The following ARHGEF12 variants were observed in gnomAD, a reference collection of about 807,000 sequenced individuals.
ARHGEF12 encodes the protein KMT2A/ARHGEF12 fusion protein.
In ARHGEF12, 66 loss-of-function variants were observed where a neutral mutation model predicts 211.2. The observed-to-expected ratio is 0.31, with a 90% confidence interval of 0.26 to 0.38. ARHGEF12 has a LOEUF of 0.38. Ranked by LOEUF, ARHGEF12 falls within the 10% of genes least tolerant of loss-of-function variation. The probability of loss-of-function intolerance (pLI) is 1.00; values close to 1 mark genes in which losing one functional copy is unlikely to be tolerated. For synonymous variants in ARHGEF12, 592 were observed against 638.4 expected (o/e 0.93, Z 1.09); for missense variants, 1,429 against 1,869.5 (o/e 0.76, Z 4.34).
At chr11:120,473,619 G>A (rs1391666668) in intron 31 of ARHGEF12, among the ~76,000 whole-genome samples, 2 of 152,158 alleles carry the variant, frequency 1.3e-5, no homozygotes. Context: ...GGTTGGTCCA[G>A]ATTTCCTGGG....
intron 36 of ARHGEF12, 40 bp downstream of exon 36, chr11:120,477,566 T>C (rs1947085125): frequency 6.3e-7 from 1 of 1,575,262 alleles, no homozygotes; most frequent in Non-Finnish European, 8.7e-7. Flanking sequence ...ATGTGCTCTA[T>C]TATCTGTTAA....
intron 37 of ARHGEF12, among the ~76,000 whole-genome samples, chr11:120,479,123 A>G (rs931264332): frequency 2.6e-5 from 4 of 152,190 alleles, no homozygotes; most frequent in African/African-American, 9.7e-5. Context: ...ACTAGCAGGA[A>G]GTTAGAGTTT....
intron 29 of ARHGEF12, 137 bp downstream of exon 29, chr11:120,467,445 T>C (rs976675650): frequency 1.4e-5 from 8 of 559,674 alleles, no homozygotes; most frequent in South Asian, 2.6e-5. Flanking sequence ...TTTTTTTTTT[T>C]TTTTTTTCCT....
chr11:120,441,896 C>T (rs1049178629), intron 14 of ARHGEF12, 79 bp downstream of exon 14: 19 of 1,264,096 alleles, frequency 1.5e-5, no homozygotes, highest in Admixed American at 3.6e-5. Flanking sequence ...AGCTATACAA[C>T]GAGTGGGCAG....
intron 3 of ARHGEF12, chr11:120,409,155 ATG>A: frequency 2.0e-6 from 1 of 502,914 alleles, no homozygotes; most frequent in South Asian, 2.5e-5. Context: ...TATACTATTC[ATG>A]TGTTGTTTTG....
chr11:120,444,466 CT>C (rs1284591979), intron 15 of ARHGEF12, among the ~76,000 whole-genome samples: 2 of 152,096 alleles, frequency 1.3e-5, no homozygotes, highest in Non-Finnish European at 2.9e-5. Flanking sequence ...TGCACTTGAG[CT>C]AGAAATGCTT....
rs753533555 is a variant in ARHGEF12 at position 120,481,460 on chromosome 11, T to A, written c.4438T>A (p.Trp1480Arg). Residue 1480 changes from tryptophan (W) to arginine (R), a missense_variant, in exon 39 of 41, where the codon TGG becomes AGG. Coordinates refer to ENST00000397843, the MANE Select transcript of ARHGEF12 (RefSeq NM_015313.3). ...CCCCGAATTTCTGGTCCAGCAGCGC[T>A]GGGGAGCTATGGAGTATTCCTGTTT... ...FTPEFLVQQRWGAMEYSCFEI... is the reference protein window; with the variant it reads ...FTPEFLVQQRRGAMEYSCFEI... The A allele has an allele frequency of 4.3e-6, 7 of 1,614,222 alleles. No homozygotes were observed. Among genetic ancestry groups the A allele is most frequent in the Non-Finnish European group, 5.1e-6 (6 of 1,180,042 alleles).
intron 32 of ARHGEF12, among the ~76,000 whole-genome samples, chr11:120,474,876 C>T (rs960714922): frequency 6.6e-6 from 1 of 152,184 alleles, no homozygotes; most frequent in African/African-American, 2.4e-5. Context: ...TTCTTATAGT[C>T]TAGTGAGTCT....
intron 1 of ARHGEF12, among the ~76,000 whole-genome samples, chr11:120,360,439 C>CTGGA (rs1254891687): frequency 5.9e-5 from 9 of 152,106 alleles, no homozygotes; most frequent in Non-Finnish European, 1.2e-4. Flanking sequence ...GTCACTCAGG[C>CTGGA]TGGAGTGCAG....
chr11:120,379,082 A>G (rs1180857775), intron 1 of ARHGEF12, among the ~76,000 whole-genome samples: 1 of 152,176 alleles, frequency 6.6e-6, no homozygotes, highest in Non-Finnish European at 1.5e-5. Flanking sequence ...ATCCATTGGC[A>G]TAATCTTTCT....
chr11:120,429,544 A>G, intron 9 of ARHGEF12, 27 bp downstream of exon 9: 2 of 1,608,246 alleles, frequency 1.2e-6, no homozygotes, highest in African/African-American at 2.7e-5. Context: ...AGGGCTGTTT[A>G]CAGGCCAATA....
At chr11:120,371,184 A>G (rs958249346) in intron 1 of ARHGEF12, among the ~76,000 whole-genome samples, 4 of 152,182 alleles carry the variant, frequency 2.6e-5, no homozygotes, top group Non-Finnish European at 4.4e-5. Flanking sequence ...AAGTATAGAC[A>G]TTTATTAAAA....
intron 1 of ARHGEF12, among the ~76,000 whole-genome samples, chr11:120,344,896 C>T (rs912122803): frequency 2.6e-5 from 4 of 152,332 alleles, no homozygotes; most frequent in South Asian, 2.1e-4. Context: ...AACTTGATTT[C>T]TGTAACCATT....
intron 1 of ARHGEF12, among the ~76,000 whole-genome samples, chr11:120,368,185 C>G (rs1943482979): frequency 6.6e-6 from 1 of 152,074 alleles, no homozygotes; most frequent in South Asian, 2.1e-4. Flanking sequence ...TCAAGCAATC[C>G]TCCCGCCTCA....
At chr11:120,380,957 C>T (rs868147261) in intron 1 of ARHGEF12, among the ~76,000 whole-genome samples, 2 of 152,204 alleles carry the variant, frequency 1.3e-5, no homozygotes, top group African/African-American at 4.8e-5. Flanking sequence ...ATGTCCCTTT[C>T]ATATGCCCCT....
chr11:120,440,139 C>G lies in ARHGEF12; in HGVS notation c.1010C>G (p.Ser337Ter). 2 of 1,611,356 alleles carry G rather than the reference C, an allele frequency of 1.2e-6. No individual in the cohort carries two copies. The highest frequency in any genetic ancestry group is 1.7e-6 in the Non-Finnish European group (2 of 1,178,750). The change falls in exon 13 of 41, where the codon TCA becomes TGA. Residue 337 changes from serine to a stop codon, truncating the protein, a stop_gained. Transcript: ENST00000397843. LOFTEE classifies it high-confidence loss of function. ...SETIQDTDTQ[S>*]LVGSPSTRIA... ...CCTGAATGTTGCCAGGACACTCAAT[C>G]ACTTGTCGGAAGTCCCTCAACCCGT... is the stretch of plus-strand genomic sequence containing the variant.
Position 120,481,464 on chromosome 11 carries a change from G to A in ARHGEF12, c.4442G>A (p.Gly1481Glu). ...TPEFLVQQRW[G>E]AMEYSCFEIQ... ...GAATTTCTGGTCCAGCAGCGCTGGG[G>A]AGCTATGGAGTATTCCTGTTTTGAG... Residue 1481 changes from glycine (G) to glutamate (E), a missense_variant, in exon 39 of 41, where the codon GGA (glycine) becomes GAA (glutamate). This residue lies in a region of ARHGEF12 where 467 missense variants were observed against 468.4 expected (regional missense o/e 1.00). Transcript: ENST00000397843. 6.2e-7 allele frequency: 1 copy of A among 1,614,186 alleles called. No homozygotes were observed. Among genetic ancestry groups the A allele is most frequent in the Non-Finnish European group, 8.5e-7 (1 of 1,180,038 alleles).
intron 1 of ARHGEF12, among the ~76,000 whole-genome samples, chr11:120,382,421 A>G (rs1164534822): frequency 1.3e-5 from 2 of 152,256 alleles, no homozygotes; most frequent in Admixed American, 6.5e-5. Context: ...TTAAAAATCC[A>G]TTCTACTGCA....
intron 1 of ARHGEF12, chr11:120,385,370 G>T: frequency 5.1e-6 from 5 of 985,346 alleles, no homozygotes; most frequent in Non-Finnish European, 6.0e-6. Flanking sequence ...TATATATAAA[G>T]AAAAAGCTTA....
Sources: gnomAD v4.1 joint callset for allele counts (sites outside exome capture counted in the v4.1 genomes callset) on GRCh38, gnomAD v4.1.1 for gene constraint, gnomAD v4.1.1 regional missense constraint, MANE v1.5 for transcripts, NCBI Gene and HGNC (gene_info 2026-07-23, HGNC 2026-07-21) for gene names.